Variants in ZMIZ1 observed in about 807,000 individuals in gnomAD.
The protein encoded by ZMIZ1 is zinc finger MIZ domain-containing protein 1.
A neutral mutation model predicts 113.9 loss-of-function variants in ZMIZ1; 17 were observed. The ratio of observed to expected loss-of-function variants is 0.15; its 90% CI spans 0.10 to 0.22. The LOEUF (loss-of-function observed/expected upper bound fraction) is 0.22. Ranked by LOEUF, ZMIZ1 falls within the 10% of genes least tolerant of loss-of-function variation. The probability of loss-of-function intolerance (pLI) is 1.00; values close to 1 mark genes in which losing one functional copy is unlikely to be tolerated. For synonymous variants in ZMIZ1, 607 were observed against 603.1 expected (o/e 1.01, Z -0.09); for missense variants, 1,059 against 1,477.8 (o/e 0.72, Z 4.65).
intron 23 of ZMIZ1, among the ~76,000 whole-genome samples, chr10:79,308,458 G>C (rs1418460206): frequency 6.6e-6 from 1 of 152,194 alleles, no homozygotes; most frequent in Non-Finnish European, 1.5e-5. Flanking sequence ...GCACGTGGCT[G>C]GGGGTCCTGG....
chr10:79,285,587 G>T (rs759410062), intron 8 of ZMIZ1: 3 of 455,952 alleles, frequency 6.6e-6, no homozygotes, highest in Non-Finnish European at 1.3e-5. Context: ...CAGGCTTAAC[G>T]AAATGGACAT....
Position 79,312,922 on chromosome 10 carries a change from T to A in ZMIZ1, c.*173T>A. 1 of 607,054 alleles carries A rather than the reference T, an allele frequency of 1.6e-6. No individual in the cohort carries two copies. Among genetic ancestry groups the A allele is most frequent in the Non-Finnish European group, 2.9e-6 (1 of 346,234 alleles). 37.6% of individuals were successfully genotyped at this position (607,054 alleles called of 1,614,324 possible). The stretch of plus-strand genomic sequence containing the variant: ...TCTCAGAACAGAGGGGTAGGGAGGG[T>A]GCACCAGTGCACCAGGAAGGCTGTG... On this transcript the variant is annotated 3_prime_UTR_variant, in exon 25 of 25. Coordinates refer to ENST00000334512, the MANE Select transcript of ZMIZ1 (RefSeq NM_020338.4).
In ZMIZ1 at chr10:79,266,560, G is replaced by A. The variant is rs1214759443; in HGVS notation, c.281-10621G>A. 3.3e-5 allele frequency among the ~76,000 whole-genome samples: 5 copies of A among 152,184 alleles called. No individual in the cohort carries two copies. The East Asian group carries it at 9.6e-4, about 29-fold the overall frequency. On this transcript the variant is annotated intron_variant, in intron 7 of 24. Coordinates refer to ENST00000334512, the MANE Select transcript of ZMIZ1 (RefSeq NM_020338.4). ...ACAGCAGGGTGAGTCGGGCCAGAAG[G>A]GGTGCCCCATCTTACAGAAGCACAC...
At chr10:79,181,085 A>T (rs1847105634) in intron 4 of ZMIZ1, among the ~76,000 whole-genome samples, 2 of 152,168 alleles carry the variant, frequency 1.3e-5, no homozygotes, top group South Asian at 4.1e-4. Context: ...CAGGAGGCAG[A>T]GCTGTGGGTT....
chr10:79,242,657 G>T (rs1269546587), intron 7 of ZMIZ1, among the ~76,000 whole-genome samples: 1 of 151,582 alleles, frequency 6.6e-6, no homozygotes, highest in Non-Finnish European at 1.5e-5. Context: ...AGGATTCGCT[G>T]GGGGGCGGGA....
chr10:79,158,026 C>T (rs534387814), intron 3 of ZMIZ1, among the ~76,000 whole-genome samples: 1 of 152,306 alleles, frequency 6.6e-6, no homozygotes, highest in African/African-American at 2.4e-5. Context: ...AGGGGAGCGG[C>T]GGGTTGGACC....
intron 2 of ZMIZ1, among the ~76,000 whole-genome samples, chr10:79,119,472 T>C (rs760080456): frequency 2.0e-5 from 3 of 152,232 alleles, no homozygotes; most frequent in Non-Finnish European, 4.4e-5. Context: ...GCATTGTACA[T>C]GTGAGAAAAC....
At chr10:79,274,392 C>T (rs867962420) in intron 7 of ZMIZ1, among the ~76,000 whole-genome samples, 3 of 152,174 alleles carry the variant, frequency 2.0e-5, no homozygotes, top group African/African-American at 4.8e-5. Flanking sequence ...ACTGGCCAGG[C>T]GCACCCAGAC....
intron 8 of ZMIZ1, among the ~76,000 whole-genome samples, chr10:79,287,042 A>C (rs1234078869): frequency 6.6e-6 from 1 of 152,236 alleles, no homozygotes; most frequent in South Asian, 2.1e-4. Flanking sequence ...CCCTCTGGTC[A>C]TCCAGCACAC....
chr10:79,249,609 T>G (rs1340612773), intron 7 of ZMIZ1, among the ~76,000 whole-genome samples: 1 of 152,240 alleles, frequency 6.6e-6, no homozygotes, highest in Non-Finnish European at 1.5e-5. Context: ...TATTTAAATG[T>G]ACATTAGTAA....
chr10:79,152,182 C>T (rs1356544433), intron 3 of ZMIZ1, among the ~76,000 whole-genome samples: 5 of 152,174 alleles, frequency 3.3e-5, no homozygotes, highest in African/African-American at 1.2e-4. Context: ...GCCATGGCCC[C>T]AGATGAGATC....
intron 7 of ZMIZ1, among the ~76,000 whole-genome samples, chr10:79,267,792 T>C (rs1378972276): frequency 6.6e-6 from 1 of 152,184 alleles, no homozygotes; most frequent in Non-Finnish European, 1.5e-5. Flanking sequence ...CTTCACCTCA[T>C]GGTTCCTCAC....
intron 3 of ZMIZ1, among the ~76,000 whole-genome samples, chr10:79,142,711 C>T (rs1845323317): frequency 6.6e-6 from 1 of 152,236 alleles, no homozygotes. Flanking sequence ...GTCACCCTGG[C>T]CGGCACTCCC....
intron 1 of ZMIZ1, among the ~76,000 whole-genome samples, chr10:79,079,202 T>C (rs1169485679): frequency 6.6e-6 from 1 of 152,156 alleles, no homozygotes; most frequent in East Asian, 1.9e-4. Context: ...GGCAGAGGGG[T>C]GGGGCCTCTG....
At chr10:79,156,994 T>G (rs1158597642) in intron 3 of ZMIZ1, among the ~76,000 whole-genome samples, 2 of 152,148 alleles carry the variant, frequency 1.3e-5, no homozygotes, top group Non-Finnish European at 2.9e-5. Flanking sequence ...AACACCAGCA[T>G]GTCTGGAAGT....
chr10:79,082,515 C>T (rs1842691199), intron 1 of ZMIZ1, among the ~76,000 whole-genome samples: 1 of 152,190 alleles, frequency 6.6e-6, no homozygotes, highest in Admixed American at 6.5e-5. Context: ...CAGGAGGGAC[C>T]TGGGCAGCCA....
intron 7 of ZMIZ1, among the ~76,000 whole-genome samples, chr10:79,257,445 ACT>A (rs1382230661): frequency 1.3e-5 from 2 of 152,130 alleles, no homozygotes; most frequent in African/African-American, 2.4e-5. Context: ...GGAACCAGAA[ACT>A]CTGTTGGCTG....
At chr10:79,172,682 C>A (rs1846649339) in intron 4 of ZMIZ1, among the ~76,000 whole-genome samples, 1 of 152,190 alleles carries the variant, frequency 6.6e-6, no homozygotes, top group African/African-American at 2.4e-5. Flanking sequence ...TCCCATCCAA[C>A]CTTCACTCCT....
intron 4 of ZMIZ1, among the ~76,000 whole-genome samples, chr10:79,199,623 T>C (rs1012145154): frequency 9.2e-5 from 14 of 152,224 alleles, no homozygotes; most frequent in Non-Finnish European, 1.9e-4. Context: ...TTTTATGTTT[T>C]TAAAAATGTG....
Sources: allele counts gnomAD v4.1 joint callset (sites outside exome capture counted in the v4.1 genomes callset), GRCh38; gene constraint gnomAD v4.1.1; transcripts MANE v1.5; gene names NCBI Gene and HGNC (gene_info 2026-07-23, HGNC 2026-07-21).